Variants in TRIM55 observed in about 807,000 individuals in gnomAD.
The protein encoded by TRIM55 is tripartite motif-containing protein 55.
In TRIM55, 50 loss-of-function variants were observed where a neutral mutation model predicts 60.9. That is an observed-to-expected ratio of 0.82 (90% CI 0.65 to 1.04). The LOEUF is 1.04. Ranked by LOEUF, TRIM55 falls within the 50% of genes least tolerant of loss-of-function variation. The pLI, the probability that TRIM55 is intolerant of heterozygous loss-of-function variation, is 0.00. For synonymous variants in TRIM55, 237 were observed against 238.1 expected (o/e 1.00, Z 0.04); for missense variants, 681 against 666.9 (o/e 1.02, Z -0.23).
intron 2 of TRIM55, among the ~76,000 whole-genome samples, chr8:66,134,213 T>C (rs985279796): frequency 1.3e-5 from 2 of 152,258 alleles, no homozygotes; most frequent in African/African-American, 4.8e-5. Flanking sequence ...AACTATGTGT[T>C]TGGAAATTTG....
chr8:66,152,148 A>C (rs1299795102), intron 7 of TRIM55: 1 of 578,870 alleles, frequency 1.7e-6, no homozygotes, highest in Non-Finnish European at 3.0e-6. Context: ...AAGACTTTGT[A>C]CTGGGGAGGA....
At chr8:66,126,494 T>C (rs1282082790), upstream of TRIM55, among the ~76,000 whole-genome samples, 1 of 152,230 alleles carries the variant, frequency 6.6e-6, no homozygotes, top group Non-Finnish European at 1.5e-5. Flanking sequence ...AATAATTAGA[T>C]CATCCACTGG....
At chr8:66,128,598 G>T in intron 2 of TRIM55, 122 bp downstream of exon 2, 1 of 1,099,982 alleles carries the variant, frequency 9.1e-7, no homozygotes. Flanking sequence ...ATGGAAAAAT[G>T]GTTTTCCAAG....
chr8:66,165,346 A>T (rs1054246063), intron 9 of TRIM55, among the ~76,000 whole-genome samples: 1 of 152,116 alleles, frequency 6.6e-6, no homozygotes, highest in Non-Finnish European at 1.5e-5. Context: ...AGAGACTGAG[A>T]GGTGAGAGAT....
chr8:66,152,322 T>G, intron 7 of TRIM55, 55 bp from the exon 8 acceptor site: 2 of 1,525,194 alleles, frequency 1.3e-6, no homozygotes, highest in Non-Finnish European at 1.8e-6. Flanking sequence ...CCATTAACTG[T>G]GTCCATGGCT....
At chr8:66,172,308 C>G (rs1811687053) in intron 9 of TRIM55, among the ~76,000 whole-genome samples, 1 of 152,130 alleles carries the variant, frequency 6.6e-6, no homozygotes, top group Admixed American at 6.5e-5. Flanking sequence ...CCTCTTTGCA[C>G]AGAACTTTCT....
chr8:66,146,806 G>T (rs1810119846), intron 4 of TRIM55, among the ~76,000 whole-genome samples: 2 of 152,214 alleles, frequency 1.3e-5, no homozygotes, highest in African/African-American at 4.8e-5. Flanking sequence ...AAGCTAAAGG[G>T]CTGGAAATGA....
chr8:66,114,436 C>T, the TRIM55 span: 1 of 430,084 alleles, frequency 2.3e-6, no homozygotes, highest in Non-Finnish European at 4.7e-6. Flanking sequence ...AATTTTTAGA[C>T]CCATTTAATT....
At chr8:66,150,617 A>G (rs190424783) in intron 7 of TRIM55, 151 bp downstream of exon 7, 157 of 920,508 alleles carry the variant, frequency 1.7e-4, no homozygotes, top group Non-Finnish European at 2.5e-4. Flanking sequence ...GCTCTATTTC[A>G]TTACAGGATC....
At chr8:66,148,776 C>T (rs113824068) in intron 4 of TRIM55, among the ~76,000 whole-genome samples, 81 of 152,164 alleles carry the variant, frequency 5.3e-4, no homozygotes, top group African/African-American at 1.7e-3. Flanking sequence ...AGGCCGGGCA[C>T]GGTGGCTCAC....
chr8:66,120,281 A>T, the TRIM55 span, among the ~76,000 whole-genome samples: 1 of 152,322 alleles, frequency 6.6e-6, no homozygotes, highest in East Asian at 1.9e-4. Context: ...ATAATAAAGA[A>T]CTTAGCTGGT....
chr8:66,165,695 T>C (rs934837904), intron 9 of TRIM55, among the ~76,000 whole-genome samples: 1 of 152,162 alleles, frequency 6.6e-6, no homozygotes, highest in African/African-American at 2.4e-5. Context: ...TGCTGGAATT[T>C]CAACTTGATA....
chr8:66,121,484 C>T, the TRIM55 span, among the ~76,000 whole-genome samples: 17 of 151,934 alleles, frequency 1.1e-4, no homozygotes, highest in East Asian at 3.1e-3. Context: ...TGACCTAAAG[C>T]TACCTTCATA....
chr8:66,114,772 C>T, the TRIM55 span: 79 of 362,988 alleles, frequency 2.2e-4, no homozygotes, highest in Non-Finnish European at 4.1e-4. Context: ...AAAGGTAGCC[C>T]TGGAGAGGTG....
chr8:66,169,699 A>G (rs1266159165), intron 9 of TRIM55, among the ~76,000 whole-genome samples: 1 of 152,150 alleles, frequency 6.6e-6, no homozygotes, highest in Non-Finnish European at 1.5e-5. Context: ...TGGCAACTGA[A>G]ACCAGCCTTG....
upstream of TRIM55, among the ~76,000 whole-genome samples, chr8:66,126,527 GTATT>G (rs1344508751): frequency 1.3e-5 from 2 of 152,076 alleles, no homozygotes; most frequent in Non-Finnish European, 2.9e-5. Context: ...ATTTATGCAT[GTATT>G]TATTTATTTA....
chr8:66,165,014 G>A (rs962804728), intron 9 of TRIM55, among the ~76,000 whole-genome samples: 5 of 152,080 alleles, frequency 3.3e-5, no homozygotes, highest in Admixed American at 1.3e-4. Flanking sequence ...GACTGGTAGC[G>A]GGTAAGGGAG....
rs1472337526 is a variant in TRIM55 at position 66,128,371 on chromosome 8, C to T, written c.236C>T (p.Pro79Leu). The T allele has an allele frequency of 1.2e-6, 2 of 1,613,616 alleles. No homozygotes were observed. Among genetic ancestry groups the T allele is most frequent in the Non-Finnish European group, 1.7e-6 (2 of 1,179,808 alleles). Residue 79 changes from proline (P) to leucine (L), a missense_variant, in exon 2 of 10, where the codon CCA becomes CTA. By Grantham distance (98) the Pro-to-Leu change is moderately conservative. Coordinates refer to ENST00000315962, the MANE Select transcript of TRIM55 (RefSeq NM_184085.2). The part of the protein sequence containing the change: ...TMASGGRFRC[P>L]SCRHEVVLDR... ...GCATCAGGGGGCCGATTCCGCTGCC[C>T]ATCCTGTAGACATGAAGTGGTTTTG...
chr8:66,159,027 A>T (rs1810902114), intron 9 of TRIM55, among the ~76,000 whole-genome samples: 1 of 152,220 alleles, frequency 6.6e-6, no homozygotes, highest in African/African-American at 2.4e-5. Flanking sequence ...TGATTTTTTA[A>T]ATCAACTTTA....
Sources: gnomAD v4.1 joint callset for allele counts (sites outside exome capture counted in the v4.1 genomes callset) on GRCh38, gnomAD v4.1.1 for gene constraint, MANE v1.5 for transcripts, NCBI Gene and HGNC (gene_info 2026-07-23, HGNC 2026-07-21) for gene names.